The following NIN variants were observed in gnomAD, a reference collection of about 807,000 sequenced individuals.
The protein encoded by NIN is ninein, also known as glycogen synthase kinase 3 beta-interacting protein.
NIN carries 137 observed loss-of-function variants against 257.6 expected under a neutral mutation model. That is an observed-to-expected ratio of 0.53 (90% CI 0.46 to 0.61). The LOEUF (loss-of-function observed/expected upper bound fraction) is 0.61. Among genes scored for constraint, NIN ranks in the 20% least tolerant of loss-of-function variants. The probability of loss-of-function intolerance (pLI) is 0.00; values close to 1 mark genes in which losing one functional copy is unlikely to be tolerated. For synonymous variants in NIN, 918 were observed against 919.8 expected (o/e 1.00, Z 0.04); for missense variants, 2,439 against 2,501.2 (o/e 0.98, Z 0.53).
rs538886483 is a variant in NIN, at chr14:50,750,344, C to G, written c.4950+2174G>C. Among the ~76,000 whole-genome samples the G allele has an allele frequency of 8.1e-4, 124 of 152,226 alleles. 1 individual carries two copies. The highest frequency in any genetic ancestry group is 1.8e-3 in the Admixed American group (27 of 15,292). On this transcript the variant is annotated intron_variant, in intron 21 of 30. Transcript: ENST00000530997. Reference sequence around the variant, plus strand: ...TACATATTAGAAACCATGAGTTTATCCAAATACCGCAGATCTCAATGTAAC... The same window carrying G: ...TACATATTAGAAACCATGAGTTTATGCAAATACCGCAGATCTCAATGTAAC...
Position 50,722,743 on chromosome 14 carries a change from C to G in NIN, c.*720G>C, listed in dbSNP as rs763501855. On this transcript the variant is annotated 3_prime_UTR_variant, in exon 31 of 31. Transcript: ENST00000530997. ...GTGGCTTTATCCGTTTCTTAGAAGA[C>G]CAGCTCCCCAAATGAAACTTTTAAG... 2.8e-4 allele frequency: 61 copies of G among 214,404 alleles called. No individual in the cohort carries two copies. The highest frequency in any genetic ancestry group is 5.4e-4 in the Non-Finnish European group (57 of 105,986). The allele number at this position is 214,404 out of a possible 1,614,324, so 13.3% of individuals were successfully genotyped here. A position where few individuals can be genotyped will look rare whatever the true frequency, so the allele number is the denominator to read the frequency against.
intron 3 of NIN, among the ~76,000 whole-genome samples, chr14:50,818,236 A>T (rs61985521): frequency 0.51 from 76,048 of 148,822 alleles, 20,627 homozygotes; most frequent in South Asian, 0.67. Flanking sequence ...GGCAGGAGAA[A>T]GGCGTGAACC....
At chr14:50,784,275 A>G (rs977816148) in intron 5 of NIN, among the ~76,000 whole-genome samples, 3 of 152,236 alleles carry the variant, frequency 2.0e-5, no homozygotes, top group South Asian at 2.1e-4. Flanking sequence ...AACCTTAGCT[A>G]TTGTTATTAT....
intron 17 of NIN, among the ~76,000 whole-genome samples, chr14:50,759,447 A>G (rs948866090): frequency 1.3e-5 from 2 of 152,172 alleles, no homozygotes; most frequent in South Asian, 4.1e-4. Flanking sequence ...TACTCAATCA[A>G]TGGGCTATTA....
chr14:50,738,607 T>C (rs1185570843), intron 26 of NIN, among the ~76,000 whole-genome samples: 1 of 152,190 alleles, frequency 6.6e-6, no homozygotes, highest in African/African-American at 2.4e-5. Flanking sequence ...GCCCTTTTTT[T>C]CTGACATGAA....
intron 5 of NIN, among the ~76,000 whole-genome samples, chr14:50,790,547 C>G (rs2043546289): frequency 6.6e-6 from 1 of 152,128 alleles, no homozygotes; most frequent in Non-Finnish European, 1.5e-5. Context: ...TGGGATATAA[C>G]AGAATAGCGA....
Position 50,738,179 on chromosome 14 carries a change from A to G in NIN, c.5736T>C (p.Cys1912=). ...EQEKLSLKRE[C]DQFQKEQSPA... ...GAGATTGTTCTTTCTGAAACTGATC[A>G]CACTCTCTCTTTAAGCTCAATTTTT... The change falls in exon 27 of 31, where the codon TGT becomes TGC. Residue 1912 remains cysteine, a synonymous_variant. Transcript: ENST00000530997. The G allele has an allele frequency of 6.2e-7, 1 of 1,614,172 alleles. No individual in the cohort carries two copies. The highest frequency in any genetic ancestry group is 8.5e-7 in the Non-Finnish European group (1 of 1,180,020).
At chr14:50,736,660 C>T (rs1431055429) in intron 27 of NIN, among the ~76,000 whole-genome samples, 1 of 152,148 alleles carries the variant, frequency 6.6e-6, no homozygotes, top group African/African-American at 2.4e-5. Context: ...TTTTCTCCCC[C>T]TAATGAGCAG....
In NIN at chr14:50,791,447, G is replaced by GT. The variant is rs962209752; in HGVS notation, c.435+1264dup. Among the ~76,000 whole-genome samples, 462 of 148,166 alleles carry GT rather than the reference G, an allele frequency of 3.1e-3. 2 individuals carry two copies. Among genetic ancestry groups the GT allele is most frequent in the African/African-American group, 0.01 (411 of 40,480 alleles). ...CACTACTCTTATACCACTTTTGTGG[G>GT]TTTTTTTTTTCTCTCTTCTCTCTTT... On this transcript the variant is annotated intron_variant, in intron 5 of 30. Transcript: ENST00000530997.
intron 5 of NIN, among the ~76,000 whole-genome samples, chr14:50,788,035 T>TAA (rs373060230): frequency 6.7e-6 from 1 of 148,566 alleles, no homozygotes; most frequent in African/African-American, 2.5e-5. Context: ...GGAATTCTGT[T>TAA]AAAAAAAAAA....
At position 50,738,156 on chromosome 14, in the gene NIN, G is replaced by A. The variant is rs144993908; in HGVS notation, c.5759C>T (p.Ser1920Phe). The A allele has an allele frequency of 3.1e-6, 5 of 1,613,996 alleles. No homozygotes were observed. In the African/African-American group the frequency reaches 6.7e-5, roughly 22 times the overall value. The change falls in exon 27 of 31, where the codon TCT (serine) becomes TTT (phenylalanine). Residue 1920 changes from serine (S) to phenylalanine (F), a missense_variant. Ser to Phe is a radical substitution (Grantham distance 155, BLOSUM62 -2). Transcript: ENST00000530997. ...RECDQFQKEQ[S>F]PANRKVSQMN... ...AAAACTCACCTTCCTGTTAGCAGGA[G>A]ATTGTTCTTTCTGAAACTGATCACA...
chr14:50,753,003 C>T (rs556113617), intron 20 of NIN, among the ~76,000 whole-genome samples: 2 of 152,266 alleles, frequency 1.3e-5, no homozygotes, highest in African/African-American at 2.4e-5. Context: ...TCATTTTCTA[C>T]GCATATACAG....
intron 21 of NIN, 144 bp from the exon 22 acceptor site, chr14:50,748,249 T>C: frequency 1.8e-6 from 1 of 570,264 alleles, no homozygotes; most frequent in Non-Finnish European, 3.1e-6. Context: ...CGTAAAAGAC[T>C]TTCCACTTAA....
At chr14:50,752,828 C>G (rs115371696) in intron 20 of NIN, 95 bp from the exon 21 acceptor site, 1 of 655,686 alleles carries the variant, frequency 1.5e-6, no homozygotes, top group African/African-American at 1.9e-5. Flanking sequence ...TCTTTTCCCT[C>G]TTTATATAAA....
At chr14:50,794,558 T>C in intron 4 of NIN, 1 of 683,882 alleles carries the variant, frequency 1.5e-6, no homozygotes, top group Non-Finnish European at 1.8e-6. Flanking sequence ...AGAACCATCC[T>C]TAATTTATTA....
chr14:50,786,298 A>T (rs1464301396), intron 5 of NIN, among the ~76,000 whole-genome samples: 1 of 149,020 alleles, frequency 6.7e-6, no homozygotes, highest in Non-Finnish European at 1.5e-5. Flanking sequence ...AGGACAGAAA[A>T]TGTTACTGTC....
chr14:50,756,739 G>A lies in NIN; in HGVS notation c.4291C>T (p.Leu1431=), dbSNP rs1188951509. Residue 1431 remains leucine (L), a synonymous_variant, in exon 18 of 31, where the codon CTG becomes TTG. Transcript: ENST00000530997. ...ERPRVQNQVI[L]EENTTLLGFQ... ...CCTAGGAGAGTAGTGTTTTCCTCCA[G>A]TATAACTTGATTCTGTACTCTTGGC... 3.4e-5 allele frequency: 52 copies of A among 1,551,454 alleles called. No individual in the cohort carries two copies. The highest frequency in any genetic ancestry group is 4.4e-5 in the Non-Finnish European group (50 of 1,146,994).
Position 50,758,202 on chromosome 14 carries a change from C to T in NIN, c.2828G>A (p.Ser943Asn). The T allele has an allele frequency of 6.2e-7, 1 of 1,614,238 alleles. No individual in the cohort carries two copies. Among genetic ancestry groups the T allele is most frequent in the Non-Finnish European group, 8.5e-7 (1 of 1,180,038 alleles). The change falls in exon 18 of 31, where the codon AGT becomes AAT. Residue 943 changes from serine to asparagine, a missense_variant. This residue lies in a region of NIN where 2,043 missense variants were observed against 2,050.2 expected (regional missense o/e 1.00). Transcript: ENST00000530997. ...ACGCTCCCTCAGTTCCCTTTTGTGA[C>T]TGCTCTTCAGCTCAAGTATCTGGTC... ...LSDQILELKS[S>N]HKRELREREE...
At chr14:50,810,673 T>A (rs1489678316) in intron 3 of NIN, among the ~76,000 whole-genome samples, 2 of 152,238 alleles carry the variant, frequency 1.3e-5, no homozygotes, top group Non-Finnish European at 2.9e-5. Context: ...ATTAATTATT[T>A]TTTTTTGAGA....
Sources: allele counts gnomAD v4.1 joint callset (sites outside exome capture counted in the v4.1 genomes callset), GRCh38; gene constraint gnomAD v4.1.1; regional missense constraint gnomAD v4.1.1; transcripts MANE v1.5; gene names NCBI Gene and HGNC (gene_info 2026-07-23, HGNC 2026-07-21).